PDLIM5: variants seen among roughly 807,000 people sequenced by gnomAD.
PDLIM5 encodes the protein PDZ and LIM domain protein 5.
PDLIM5 carries 34 observed loss-of-function variants against 64.2 expected under a neutral mutation model. The observed-to-expected ratio is 0.53, with a 90% confidence interval of 0.40 to 0.71. PDLIM5 has a LOEUF of 0.71. Ranked by LOEUF, PDLIM5 falls within the 30% of genes least tolerant of loss-of-function variation. The probability of loss-of-function intolerance (pLI) is 0.00; values close to 1 mark genes in which losing one functional copy is unlikely to be tolerated. For synonymous variants in PDLIM5, 253 were observed against 269.1 expected (o/e 0.94, Z 0.59); for missense variants, 683 against 733.6 (o/e 0.93, Z 0.80).
chr4:94,514,328 G>T (rs2110112211), intron 2 of PDLIM5, among the ~76,000 whole-genome samples: 1 of 151,804 alleles, frequency 6.6e-6, no homozygotes, highest in South Asian at 2.1e-4. Flanking sequence ...TAGAGGCGGG[G>T]TTTCACCATG....
intron 3 of PDLIM5, among the ~76,000 whole-genome samples, chr4:94,565,015 G>A (rs1404930964): frequency 6.6e-6 from 1 of 152,122 alleles, no homozygotes; most frequent in Non-Finnish European, 1.5e-5. Context: ...TGTATCATGG[G>A]TTTAATAAAT....
chr4:94,505,070 A>G (rs1157403621), intron 2 of PDLIM5, among the ~76,000 whole-genome samples: 1 of 152,190 alleles, frequency 6.6e-6, no homozygotes, highest in Non-Finnish European at 1.5e-5. Context: ...CACACCATTC[A>G]GCACAACACT....
chr4:94,556,298 C>A (rs2110224873), intron 3 of PDLIM5, among the ~76,000 whole-genome samples: 1 of 152,160 alleles, frequency 6.6e-6, no homozygotes. Context: ...CTTAATCTAG[C>A]CTATCATTGA....
At position 94,650,118 on chromosome 4, in the gene PDLIM5, A is replaced by C. The variant is rs1162154913; in HGVS notation, c.1284-4342A>C. Among the ~76,000 whole-genome samples the C allele has an allele frequency of 2.0e-5, 3 of 152,206 alleles. No homozygotes were observed. The East Asian group carries it at 5.8e-4, about 29-fold the overall frequency. ...AAGAGTGACAAATACAGTGTTTCCAAATTTTAGGAAGGATTGTTAATGTCT... is the reference window on the plus strand; with the variant it reads ...AAGAGTGACAAATACAGTGTTTCCACATTTTAGGAAGGATTGTTAATGTCT... On this transcript the variant is annotated intron_variant, in intron 9 of 12. Coordinates refer to ENST00000317968, the MANE Select transcript of PDLIM5 (RefSeq NM_006457.5).
At chr4:94,653,954 G>A (rs2110488047) in intron 9 of PDLIM5, among the ~76,000 whole-genome samples, 1 of 151,948 alleles carries the variant, frequency 6.6e-6, no homozygotes, top group South Asian at 2.1e-4. Context: ...AATGTGTGGG[G>A]AAGAGAAATT....
intron 2 of PDLIM5, among the ~76,000 whole-genome samples, chr4:94,477,562 A>T (rs2126101360): frequency 1.3e-5 from 2 of 152,292 alleles, no homozygotes; most frequent in Non-Finnish European, 2.9e-5. Context: ...AAAGAGTAAG[A>T]CTGGCTTTTA....
intron 7 of PDLIM5, among the ~76,000 whole-genome samples, chr4:94,599,570 T>C (rs1233743100): frequency 6.6e-6 from 1 of 152,186 alleles, no homozygotes; most frequent in Non-Finnish European, 1.5e-5. Context: ...TGATATATTC[T>C]AGGTGTAAGG....
At chr4:94,636,284 T>C (rs999619021) in intron 8 of PDLIM5, among the ~76,000 whole-genome samples, 1 of 152,124 alleles carries the variant, frequency 6.6e-6, no homozygotes, top group Non-Finnish European at 1.5e-5. Context: ...AGGCATATGG[T>C]AGATGAAAGG....
At chr4:94,458,538 A>G (rs1290888057) in intron 2 of PDLIM5, among the ~76,000 whole-genome samples, 1 of 152,200 alleles carries the variant, frequency 6.6e-6, no homozygotes, top group African/African-American at 2.4e-5. Flanking sequence ...AAAAAAAATC[A>G]GAAGTTTGTA....
intron 7 of PDLIM5, among the ~76,000 whole-genome samples, chr4:94,605,422 A>G (rs940033380): frequency 6.6e-6 from 1 of 152,238 alleles, no homozygotes; most frequent in African/African-American, 2.4e-5. Context: ...CAAAAGGGAA[A>G]GACTTTATCT....
intron 7 of PDLIM5, 118 bp downstream of exon 7, chr4:94,586,562 G>A (rs919774354): frequency 1.3e-5 from 8 of 635,718 alleles, no homozygotes; most frequent in Non-Finnish European, 2.2e-5. Context: ...TAGAAGCTAA[G>A]CATTTAACTT....
chr4:94,642,784 GA>G (rs1190847776), intron 9 of PDLIM5, among the ~76,000 whole-genome samples: 3 of 152,250 alleles, frequency 2.0e-5, no homozygotes, highest in African/African-American at 7.2e-5. Flanking sequence ...ACCAAAGCAA[GA>G]AGACTTTAGA....
At chr4:94,494,783 C>T (rs1002747159) in intron 2 of PDLIM5, among the ~76,000 whole-genome samples, 1 of 149,112 alleles carries the variant, frequency 6.7e-6, no homozygotes, top group African/African-American at 2.5e-5. Flanking sequence ...GAGTCTTGCC[C>T]TGTCACCCAG....
At chr4:94,545,428 G>GT (rs1411491389) in intron 3 of PDLIM5, among the ~76,000 whole-genome samples, 1 of 152,042 alleles carries the variant, frequency 6.6e-6, no homozygotes, top group Non-Finnish European at 1.5e-5. Context: ...GTTTGTGTAT[G>GT]TTTTTCCGGG....
chr4:94,542,307 C>CAAATAAATAAAT lies in PDLIM5; in HGVS notation c.248+18448_248+18459dup, dbSNP rs547938931. Among the ~76,000 whole-genome samples, 414 of 150,290 alleles carry CAAATAAATAAAT rather than the reference C, an allele frequency of 2.8e-3. 4 individuals are homozygous for CAAATAAATAAAT. Among genetic ancestry groups the CAAATAAATAAAT allele is most frequent in the African/African-American group, 9.3e-3 (378 of 40,478 alleles). ...AGCCTGGGGGATAGAGTGAAACTGT[C>CAAATAAATAAAT]AAATAAATAAATAAATAAATAAATA... On this transcript the variant is annotated intron_variant, in intron 3 of 12. Coordinates refer to ENST00000317968, the MANE Select transcript of PDLIM5 (RefSeq NM_006457.5).
At chr4:94,553,513 G>A (rs965231599) in intron 3 of PDLIM5, among the ~76,000 whole-genome samples, 4 of 152,240 alleles carry the variant, frequency 2.6e-5, no homozygotes, top group East Asian at 3.9e-4. Flanking sequence ...TTAAAAATCC[G>A]TATTCAACTT....
intron 7 of PDLIM5, among the ~76,000 whole-genome samples, chr4:94,592,891 T>C (rs957393654): frequency 2.0e-5 from 3 of 152,160 alleles, no homozygotes; most frequent in African/African-American, 7.2e-5. Flanking sequence ...GGATCGTCGG[T>C]GTGAGCCATT....
At chr4:94,659,479 AGTATATATGT>A (rs372252043) in intron 11 of PDLIM5, among the ~76,000 whole-genome samples, 3,580 of 135,544 alleles carry the variant, frequency 0.026, 79 homozygotes, top group African/African-American at 0.04. Context: ...GAGCAGCTGT[AGTATATATGT>A]GTGTATGTGT....
At chr4:94,602,930 G>A (rs138470043) in intron 7 of PDLIM5, among the ~76,000 whole-genome samples, 199 of 152,240 alleles carry the variant, frequency 1.3e-3, no homozygotes, top group African/African-American at 4.5e-3. Flanking sequence ...CATATTAAGC[G>A]ATGAAAAAAT....
Sources: allele counts gnomAD v4.1 joint callset (sites outside exome capture counted in the v4.1 genomes callset), GRCh38; gene constraint gnomAD v4.1.1; transcripts MANE v1.5; gene names NCBI Gene and HGNC (gene_info 2026-07-23, HGNC 2026-07-21).